The following CREB5 variants were observed in gnomAD, a reference collection of about 807,000 sequenced individuals.
CREB5 encodes cAMP responsive element binding protein 5, also known as cyclic AMP-responsive element-binding protein 5.
CREB5 carries 19 observed loss-of-function variants against 57.1 expected under a neutral mutation model. That is an observed-to-expected ratio of 0.33 (90% CI 0.23 to 0.49). CREB5 has a LOEUF of 0.49. CREB5 is among the 20% of genes least tolerant of loss of function. The probability of loss-of-function intolerance (pLI) is 0.99; values close to 1 mark genes in which losing one functional copy is unlikely to be tolerated. For synonymous variants in CREB5, 238 were observed against 238.3 expected (o/e 1.00, Z 0.01); for missense variants, 579 against 671.6 (o/e 0.86, Z 1.52).
At chr7:28,804,137 A>T in intron 7 of CREB5, 62 bp from the exon 8 acceptor site, 2 of 1,502,736 alleles carry the variant, frequency 1.3e-6, no homozygotes, top group Non-Finnish European at 1.8e-6. Context: ...TTGCTTTTAA[A>T]TCTCTATCAT....
At chr7:28,707,387 C>G (rs771296527) in intron 5 of CREB5, among the ~76,000 whole-genome samples, 1 of 152,160 alleles carries the variant, frequency 6.6e-6, no homozygotes, top group Non-Finnish European at 1.5e-5. Context: ...TAGTTTTTGC[C>G]AATGAGAAAA....
intron 1 of CREB5, among the ~76,000 whole-genome samples, chr7:28,478,746 T>C (rs761290452): frequency 2.6e-5 from 4 of 152,186 alleles, no homozygotes; most frequent in Non-Finnish European, 4.4e-5. Context: ...CTGCTGTAGA[T>C]AAAGGTTAAG....
At chr7:28,591,500 C>T (rs964335370) in intron 5 of CREB5, among the ~76,000 whole-genome samples, 4 of 152,126 alleles carry the variant, frequency 2.6e-5, no homozygotes, top group Non-Finnish European at 2.9e-5. Flanking sequence ...GAAACCTACA[C>T]GGAGGAAGTT....
intron 1 of CREB5, among the ~76,000 whole-genome samples, chr7:28,367,698 C>T (rs374486091): frequency 7.9e-5 from 12 of 152,280 alleles, no homozygotes; most frequent in African/African-American, 2.2e-4. Flanking sequence ...ATCCCAGCTA[C>T]TCGGGAGGCT....
At chr7:28,333,696 T>C (rs1245651489) in intron 1 of CREB5, among the ~76,000 whole-genome samples, 2 of 152,194 alleles carry the variant, frequency 1.3e-5, no homozygotes, top group Non-Finnish European at 2.9e-5. Context: ...TCCCTCAAGT[T>C]CCATCTATGT....
At chr7:28,472,384 A>T (rs1003715781) in intron 1 of CREB5, among the ~76,000 whole-genome samples, 1 of 152,244 alleles carries the variant, frequency 6.6e-6, no homozygotes, top group African/African-American at 2.4e-5. Flanking sequence ...CCTCAAAAAA[A>T]TCTATGACAT....
Position 28,494,988 on chromosome 7 carries a change from A to T in CREB5, c.158A>T (p.Asn53Ile), listed in dbSNP as rs1263158787. The change falls in exon 3 of 11, where the codon AAT becomes ATT. Residue 53 changes from asparagine to isoleucine, a missense_variant. Around this residue, in one of 3 missense-constraint regions of CREB5, gnomAD observed 459 missense variants for 515.7 expected, o/e 0.89. Transcript: ENST00000357727. ...AAGTTTCCTTCAATAAAAACAGACAATATGTTATCAGGTAAGGAGCCATCA... is the reference window on the plus strand; with the variant it reads ...AAGTTTCCTTCAATAAAAACAGACATTATGTTATCAGGTAAGGAGCCATCA... Reference protein sequence around the residue: ...TLKFPSIKTDNMLSDQTPTPT... With the variant: ...TLKFPSIKTDIMLSDQTPTPT... 1 of 1,604,898 alleles carries T rather than the reference A, an allele frequency of 6.2e-7. No homozygotes were observed. Among genetic ancestry groups the T allele is most frequent in the Non-Finnish European group, 8.5e-7 (1 of 1,177,276 alleles).
At chr7:28,353,571 C>T (rs1230223171) in intron 1 of CREB5, among the ~76,000 whole-genome samples, 1 of 152,042 alleles carries the variant, frequency 6.6e-6, no homozygotes, top group African/African-American at 2.4e-5. Flanking sequence ...GGTCCAGGCG[C>T]GGTGGCTCAC....
intron 1 of CREB5, among the ~76,000 whole-genome samples, chr7:28,441,382 T>C (rs1343265595): frequency 6.6e-6 from 1 of 152,198 alleles, no homozygotes; most frequent in Non-Finnish European, 1.5e-5. Flanking sequence ...AAAGAAACTC[T>C]AAAATATAAA....
At chr7:28,625,592 T>C (rs993505592) in intron 5 of CREB5, among the ~76,000 whole-genome samples, 3 of 152,214 alleles carry the variant, frequency 2.0e-5, no homozygotes, top group African/African-American at 7.2e-5. Context: ...TGGTCATGCA[T>C]TTCTGTTTGC....
At chr7:28,692,018 A>G (rs1002338160) in intron 5 of CREB5, among the ~76,000 whole-genome samples, 3 of 150,676 alleles carry the variant, frequency 2.0e-5, no homozygotes, top group Non-Finnish European at 4.4e-5. Flanking sequence ...AAATACAAAA[A>G]AAAAAAAAAA....
At chr7:28,450,031 C>G (rs1429565261) in intron 1 of CREB5, among the ~76,000 whole-genome samples, 5 of 152,158 alleles carry the variant, frequency 3.3e-5, no homozygotes, top group Admixed American at 1.3e-4. Flanking sequence ...CTCCTTTGGA[C>G]CACCGGAATG....
intron 2 of CREB5, among the ~76,000 whole-genome samples, chr7:28,493,619 T>C (rs1433169346): frequency 6.6e-6 from 1 of 152,252 alleles, no homozygotes; most frequent in Non-Finnish European, 1.5e-5. Context: ...CACCAGGAAT[T>C]AGATGCTGGC....
At chr7:28,803,710 C>A (rs551353060) in intron 7 of CREB5, among the ~76,000 whole-genome samples, 1 of 144,988 alleles carries the variant, frequency 6.9e-6, no homozygotes, top group African/African-American at 2.6e-5. Flanking sequence ...GAGCCGAGAT[C>A]GCACCACTGC....
chr7:28,338,263 T>C (rs1741014613), intron 1 of CREB5, among the ~76,000 whole-genome samples: 1 of 152,180 alleles, frequency 6.6e-6, no homozygotes, highest in Non-Finnish European at 1.5e-5. Context: ...TCCTTTTCTT[T>C]CAGATTGAAG....
Position 28,682,682 on chromosome 7 carries a change from TGGGG to T in CREB5, c.465-36062_465-36059del, listed in dbSNP as rs34179408. Reference sequence around the variant, plus strand: ...AGGAGAATAAATTCAAACCTAAAAGTGGGGGGGGGGGGAAACCCCAGCTCTCTCT... The same window carrying T: ...AGGAGAATAAATTCAAACCTAAAAGTGGGGGGGGAAACCCCAGCTCTCTCT... On this transcript the variant is annotated intron_variant, in intron 5 of 10. Transcript: ENST00000357727. Among the ~76,000 whole-genome samples the T allele has an allele frequency of 4.3e-3, 466 of 109,274 alleles. 2 individuals are homozygous for T. Among genetic ancestry groups the T allele is most frequent in the South Asian group, 0.019 (53 of 2,822 alleles). 71.7% of individuals were successfully genotyped at this position (109,274 alleles called of 152,430 possible). A position where few individuals can be genotyped will look rare whatever the true frequency, so the allele number is the denominator to read the frequency against.
At chr7:28,763,254 A>C (rs560123459) in intron 7 of CREB5, among the ~76,000 whole-genome samples, 1 of 152,288 alleles carries the variant, frequency 6.6e-6, no homozygotes, top group Non-Finnish European at 1.5e-5. Flanking sequence ...CTGCATCCTT[A>C]GTAGCTACTA....
intron 5 of CREB5, among the ~76,000 whole-genome samples, chr7:28,715,245 GA>G (rs1802618509): frequency 6.6e-6 from 1 of 152,246 alleles, no homozygotes; most frequent in Non-Finnish European, 1.5e-5. Context: ...TGTGATGGGG[GA>G]AACCCTGTAC....
rs569881004 is a variant in CREB5, at chr7:28,442,468, C to T, written c.3+29551C>T. ...TTTTGATATGTTTCTCAAAATCCTC[C>T]AGCAGTGGAATTGATGGATTATATG... On this transcript the variant is annotated intron_variant, in intron 1 of 10. Coordinates refer to ENST00000357727, the MANE Select transcript of CREB5 (RefSeq NM_182898.4). 2.6e-3 allele frequency among the ~76,000 whole-genome samples: 393 copies of T among 151,876 alleles called. 2 individuals carry two copies. Among genetic ancestry groups the T allele is most frequent in the Non-Finnish European group, 3.9e-3 (266 of 67,944 alleles).
Sources: gnomAD v4.1 joint callset for allele counts (sites outside exome capture counted in the v4.1 genomes callset) on GRCh38, gnomAD v4.1.1 for gene constraint, gnomAD v4.1.1 regional missense constraint, MANE v1.5 for transcripts, NCBI Gene and HGNC (gene_info 2026-07-23, HGNC 2026-07-21) for gene names.